The following SLC24A4 variants were observed in gnomAD, a reference collection of about 807,000 sequenced individuals.
SLC24A4 encodes the protein sodium/potassium/calcium exchanger 4.
In SLC24A4, 53 loss-of-function variants were observed where a neutral mutation model predicts 79.0. That is an observed-to-expected ratio of 0.67 (90% CI 0.54 to 0.84). The LOEUF is 0.84. Among genes scored for constraint, SLC24A4 ranks in the 40% least tolerant of loss-of-function variants. The probability of loss-of-function intolerance (pLI) is 0.00; values close to 1 mark genes in which losing one functional copy is unlikely to be tolerated. For synonymous variants in SLC24A4, 323 were observed against 323.8 expected, an observed-to-expected ratio of 1.00 and a Z score of 0.03; for missense variants, 731 against 822.0, an observed-to-expected ratio of 0.89 and a Z score of 1.35.
intron 2 of SLC24A4, among the ~76,000 whole-genome samples, chr14:92,361,361 G>GAAGGGAGGGGCTTGGGAAAGTGC (rs1236846845): frequency 6.6e-6 from 1 of 151,822 alleles, no homozygotes; most frequent in Non-Finnish European, 1.5e-5. Context: ...GCAAGGTTGG[G>GAAGGGAGGGGCTTGGGAAAGTGC]AAGGGAGGGG....
intron 2 of SLC24A4, chr14:92,408,539 G>T: frequency 1.9e-6 from 1 of 519,182 alleles, no homozygotes; most frequent in Non-Finnish European, 2.5e-6. Flanking sequence ...TTGGAGCCAG[G>T]TCTGTGTGGC....
intron 2 of SLC24A4, among the ~76,000 whole-genome samples, chr14:92,331,615 T>C (rs1428924999): frequency 6.6e-6 from 1 of 152,254 alleles, no homozygotes; most frequent in East Asian, 1.9e-4. Context: ...TACTGTATTA[T>C]CTGCCTCCCC....
At chr14:92,488,674 G>A (rs1327872549) in intron 14 of SLC24A4, among the ~76,000 whole-genome samples, 1 of 150,664 alleles carries the variant, frequency 6.6e-6, no homozygotes, top group Non-Finnish European at 1.5e-5. Context: ...ATGGGGGCAG[G>A]GTACTCAGCC....
Position 92,323,874 on chromosome 14 carries a change from GGC to G in SLC24A4, c.46_47del (p.Glu17AspfsTer34), listed in dbSNP as rs766663703. The stretch of plus-strand genomic sequence containing the variant: ...CTCCGGCCGCTCAAAGTTCGCAGGA[GGC>G]GAGAGATGCTGCCGCAGCAAGTCGG... On this transcript the variant is annotated frameshift_variant, in exon 1 of 17. Transcript: ENST00000532405. LOFTEE classifies it high-confidence loss of function. This position sits in a 1 kb window ranked among gnomAD's most constrained non-coding sequence, Gnocchi z 4.9. 17 of 1,603,352 alleles carry G rather than the reference GGC, an allele frequency of 1.1e-5. No homozygotes were observed. Among genetic ancestry groups the G allele is most frequent in the Non-Finnish European group, 1.4e-5 (16 of 1,179,238 alleles).
chr14:92,468,892 CTGTGTGTG>C (rs57575129), intron 12 of SLC24A4, among the ~76,000 whole-genome samples: 2,629 of 81,440 alleles, frequency 0.032, 35 homozygotes, highest in African/African-American at 0.058. Context: ...AATCATGTAT[CTGTGTGTG>C]TGTGTGTGTG....
At chr14:92,481,057 A>T (rs527948477) in intron 12 of SLC24A4, among the ~76,000 whole-genome samples, 2 of 152,212 alleles carry the variant, frequency 1.3e-5, no homozygotes, top group African/African-American at 4.8e-5. Flanking sequence ...GGGACTCTGT[A>T]TGTGTTTTGG....
intron 1 of SLC24A4, 122 bp from the exon 2 acceptor site, chr14:92,325,746 A>G (rs903434320): frequency 1.9e-5 from 12 of 621,786 alleles, no homozygotes; most frequent in Non-Finnish European, 3.5e-5. Context: ...ATCAGTCCCT[A>G]AAGATGGCTC....
chr14:92,375,809 G>T (rs1888467459), intron 2 of SLC24A4, among the ~76,000 whole-genome samples: 2 of 152,286 alleles, frequency 1.3e-5, no homozygotes, highest in Middle Eastern at 3.4e-3. Flanking sequence ...TGGGGGAGGG[G>T]TGCAGGGCTA....
intron 3 of SLC24A4, among the ~76,000 whole-genome samples, chr14:92,438,886 C>T (rs1300689984): frequency 6.6e-6 from 1 of 152,188 alleles, no homozygotes; most frequent in East Asian, 1.9e-4. Context: ...CTTAAAGTCC[C>T]AACCCGCTCA....
chr14:92,330,130 GC>G (rs1885385693), intron 2 of SLC24A4, among the ~76,000 whole-genome samples: 1 of 132,702 alleles, frequency 7.5e-6, no homozygotes, highest in Admixed American at 8.2e-5. Context: ...TCACCTGGGA[GC>G]ATGTCAGGAA....
chr14:92,387,430 G>A (rs1462698841), intron 2 of SLC24A4, among the ~76,000 whole-genome samples: 1 of 152,074 alleles, frequency 6.6e-6, no homozygotes, highest in African/African-American at 2.4e-5. Context: ...GCCCACCTCG[G>A]CCTCCCCAAA....
At chr14:92,374,629 T>C (rs958976959) in intron 2 of SLC24A4, among the ~76,000 whole-genome samples, 2 of 152,186 alleles carry the variant, frequency 1.3e-5, no homozygotes, top group Admixed American at 6.5e-5. Flanking sequence ...CTTCCTTAAC[T>C]CTCAGCACCA....
intron 2 of SLC24A4, among the ~76,000 whole-genome samples, chr14:92,365,436 C>T (rs959586409): frequency 6.6e-6 from 1 of 152,204 alleles, no homozygotes; most frequent in African/African-American, 2.4e-5. Flanking sequence ...GGGGCCAGCC[C>T]AGGAGGGCTT....
chr14:92,461,885 A>G (rs776024070), intron 12 of SLC24A4, among the ~76,000 whole-genome samples: 1 of 152,196 alleles, frequency 6.6e-6, no homozygotes. Flanking sequence ...ACAGAGAGGT[A>G]AGTGATTGCC....
chr14:92,431,081 A>G (rs1270618828), intron 2 of SLC24A4, among the ~76,000 whole-genome samples: 1 of 152,246 alleles, frequency 6.6e-6, no homozygotes, highest in Non-Finnish European at 1.5e-5. Flanking sequence ...AGCCCAAATC[A>G]TCTCTTACTT....
intron 2 of SLC24A4, among the ~76,000 whole-genome samples, chr14:92,399,573 C>T (rs1889976884): frequency 6.6e-6 from 1 of 152,178 alleles, no homozygotes; most frequent in African/African-American, 2.4e-5. Flanking sequence ...TGATAAAAAG[C>T]TACTTTATTG....
At chr14:92,380,461 T>C (rs920545780) in intron 2 of SLC24A4, among the ~76,000 whole-genome samples, 2 of 152,210 alleles carry the variant, frequency 1.3e-5, no homozygotes, top group South Asian at 4.1e-4. Flanking sequence ...GGCTCAGTAG[T>C]ACAAGATGGC....
At chr14:92,431,888 C>T (rs943285520) in intron 2 of SLC24A4, among the ~76,000 whole-genome samples, 26 of 152,302 alleles carry the variant, frequency 1.7e-4, no homozygotes, top group African/African-American at 5.5e-4. Context: ...TTGGCCAGAC[C>T]GTCTCAGTGT....
chr14:92,445,251 G>C, intron 7 of SLC24A4, 66 bp from the exon 8 acceptor site: 1 of 1,593,046 alleles, frequency 6.3e-7, no homozygotes, highest in Non-Finnish European at 8.6e-7. Flanking sequence ...CTGGGTGTCC[G>C]TGCTTGTTCT....
Sources: allele counts gnomAD v4.1 joint callset (sites outside exome capture counted in the v4.1 genomes callset), GRCh38; gene constraint gnomAD v4.1.1; non-coding constraint Gnocchi (gnomAD v3.1); transcripts MANE v1.5; gene names NCBI Gene and HGNC (gene_info 2026-07-23, HGNC 2026-07-21).